Variants in ABCC12 observed in about 807,000 individuals in gnomAD.
ABCC12 encodes ATP binding cassette subfamily C member 12.
Under a neutral mutation model 151.1 loss-of-function variants are expected in ABCC12, and 142 were observed. That is an observed-to-expected ratio of 0.94 (90% CI 0.82 to 1.08). The LOEUF (loss-of-function observed/expected upper bound fraction) is 1.08. ABCC12 is among the 50% of genes least tolerant of loss of function. The pLI, the probability that ABCC12 is intolerant of heterozygous loss-of-function variation, is 0.00. For synonymous variants in ABCC12, 645 were observed against 646.4 expected, an observed-to-expected ratio of 1.00 and a Z score of 0.03; for missense variants, 1,638 against 1,691.1, an observed-to-expected ratio of 0.97 and a Z score of 0.55.
chr16:48,141,467 G>C, intron 4 of ABCC12, 114 bp from the exon 5 acceptor site: 1 of 1,393,858 alleles, frequency 7.2e-7, no homozygotes, highest in Non-Finnish European at 9.8e-7. Context: ...CTCCCTGGCA[G>C]TGGTGCCTTC....
chr16:48,133,528 A>G (rs987645672), intron 9 of ABCC12, among the ~76,000 whole-genome samples, 159 bp downstream of exon 9: 22 of 132,266 alleles, frequency 1.7e-4, no homozygotes, highest in Non-Finnish European at 3.4e-4. Flanking sequence ...CCTGTCTCAG[A>G]AAAAAAAAAA....
chr16:48,114,833 A>G (rs1431615388), intron 15 of ABCC12, among the ~76,000 whole-genome samples: 1 of 152,222 alleles, frequency 6.6e-6, no homozygotes, highest in Non-Finnish European at 1.5e-5. Flanking sequence ...ACTGAGGTCA[A>G]GCCCAGTCGC....
chr16:48,127,063 AT>A (rs1567453927), intron 11 of ABCC12, among the ~76,000 whole-genome samples: 1 of 152,088 alleles, frequency 6.6e-6, no homozygotes, highest in Non-Finnish European at 1.5e-5. Context: ...TCTGAGCTCA[AT>A]TGCACTCAGC....
At chr16:48,127,143 C>G (rs114697050) in intron 11 of ABCC12, among the ~76,000 whole-genome samples, 1,760 of 152,260 alleles carry the variant, frequency 0.012, 35 homozygotes, top group African/African-American at 0.041. Context: ...ACCACTCTCA[C>G]ACCAGCTATT....
chr16:48,124,222 G>C lies in ABCC12; in HGVS notation c.1578C>G (p.Leu526=). The C allele has an allele frequency of 6.2e-7, 1 of 1,614,094 alleles. No homozygotes were observed. Among genetic ancestry groups the C allele is most frequent in the Non-Finnish European group, 8.5e-7 (1 of 1,179,930 alleles). The change falls in exon 12 of 31, where the codon CTC becomes CTG. Residue 526 remains leucine, a synonymous_variant. Coordinates refer to ENST00000311303, the MANE Select transcript of ABCC12 (RefSeq NM_001393797.1). The part of the protein sequence containing the change: ...GSGKSSLLAA[L]LGQMQLQKGV... ...TCATCACACAGCTTACCTGTCCTAG[G>C]AGAGCTGCAAGGAGGGAGCTCTTTC...
chr16:48,119,265 T>C (rs1372616610), intron 13 of ABCC12, among the ~76,000 whole-genome samples: 3 of 152,262 alleles, frequency 2.0e-5, no homozygotes, highest in African/African-American at 4.8e-5. Context: ...CACGGTCTAC[T>C]GCCACCTGGC....
intron 25 of ABCC12, 77 bp downstream of exon 25, chr16:48,091,043 A>T: frequency 1.4e-6 from 2 of 1,401,276 alleles, no homozygotes; most frequent in Non-Finnish European, 2.0e-6. Context: ...CCCCTTTCGC[A>T]TCTAAAAAGA....
Position 48,115,522 on chromosome 16 carries a change from C to A in ABCC12, c.1882G>T (p.Asp628Tyr), listed in dbSNP as rs781700815. The change falls in exon 15 of 31, where the codon GAC (aspartate) becomes TAC (tyrosine). Residue 628 changes from aspartate to tyrosine, a missense_variant. Coordinates refer to ENST00000311303, the MANE Select transcript of ABCC12 (RefSeq NM_001393797.1). ...YSDRQLYLLD[D>Y]PLSAVDAHVG... Reference sequence around the variant, plus strand: ...TGGGCGTCCACGGCCGACAGGGGGTCGTCCAGCAGGTAGAGCTGACGGTCG... The same window carrying A: ...TGGGCGTCCACGGCCGACAGGGGGTAGTCCAGCAGGTAGAGCTGACGGTCG... 2.5e-6 allele frequency: 4 copies of A among 1,614,212 alleles called. No homozygotes were observed. The highest frequency in any genetic ancestry group is 4.5e-5 in the East Asian group (2 of 44,880).
rs764962473 is a variant in ABCC12, at chr16:48,087,932, G to A, written c.3629C>T (p.Thr1210Ile). Residue 1210 changes from threonine to isoleucine, a missense_variant, in exon 27 of 31, where the codon ACA (threonine) becomes ATA (isoleucine). By Grantham distance (89) the Thr-to-Ile change is moderately conservative (BLOSUM62 -1). Coordinates refer to ENST00000311303, the MANE Select transcript of ABCC12 (RefSeq NM_001393797.1). ...IPQDPVLFVG[T>I]VRYNLDPFES... ...AATGATTAAAAACAGCTACCTTACTGTACCTACAAACAGGACAGGATCCTG... is the reference window on the plus strand; with the variant it reads ...AATGATTAAAAACAGCTACCTTACTATACCTACAAACAGGACAGGATCCTG... 1 of 1,611,948 alleles carries A rather than the reference G, an allele frequency of 6.2e-7. No individual in the cohort carries two copies. Among genetic ancestry groups the A allele is most frequent in the Non-Finnish European group, 8.5e-7 (1 of 1,178,758 alleles).
chr16:48,151,437 A>G (rs979614945), intron 2 of ABCC12, among the ~76,000 whole-genome samples: 26 of 152,240 alleles, frequency 1.7e-4, no homozygotes, highest in Admixed American at 3.3e-4. Flanking sequence ...ATCTTGGATG[A>G]GATCCTGGAA....
intron 1 of ABCC12, among the ~76,000 whole-genome samples, chr16:48,154,355 A>T (rs187898044): frequency 6.6e-6 from 1 of 152,306 alleles, no homozygotes; most frequent in Non-Finnish European, 1.5e-5. Flanking sequence ...ACATTTAAAA[A>T]TGAGGAGATA....
intron 10 of ABCC12, among the ~76,000 whole-genome samples, chr16:48,130,433 C>T (rs927874799): frequency 6.6e-6 from 1 of 152,172 alleles, no homozygotes; most frequent in Admixed American, 6.5e-5. Context: ...TTCATCACTT[C>T]CATCACCATG....
chr16:48,122,387 C>A (rs1964101838), intron 12 of ABCC12, among the ~76,000 whole-genome samples: 1 of 152,184 alleles, frequency 6.6e-6, no homozygotes, highest in East Asian at 1.9e-4. Flanking sequence ...AGTCAAAGAT[C>A]CAGTTTTATA....
chr16:48,085,258 G>A (rs898805494), intron 29 of ABCC12, among the ~76,000 whole-genome samples: 3 of 152,058 alleles, frequency 2.0e-5, no homozygotes, highest in African/African-American at 7.2e-5. Context: ...AGCATCCTGG[G>A]GACAGTGTAT....
At chr16:48,136,255 C>T (rs1964605283) in intron 8 of ABCC12, among the ~76,000 whole-genome samples, 1 of 152,152 alleles carries the variant, frequency 6.6e-6, no homozygotes, top group African/African-American at 2.4e-5. Context: ...CTTATCTCCA[C>T]CTCCAGGCCT....
At chr16:48,102,297 G>C (rs1963334958) in intron 22 of ABCC12, among the ~76,000 whole-genome samples, 1 of 152,192 alleles carries the variant, frequency 6.6e-6, no homozygotes, top group Non-Finnish European at 1.5e-5. Context: ...CATTTGCATG[G>C]GGCGTACACC....
At chr16:48,122,592 G>A (rs1426424505) in intron 12 of ABCC12, among the ~76,000 whole-genome samples, 1 of 152,178 alleles carries the variant, frequency 6.6e-6, no homozygotes, top group Non-Finnish European at 1.5e-5. Flanking sequence ...ACAGTGCTCA[G>A]GGCTGATGCT....
chr16:48,114,893 A>C (rs1225803078), intron 15 of ABCC12, among the ~76,000 whole-genome samples: 1 of 152,194 alleles, frequency 6.6e-6, no homozygotes, highest in African/African-American at 2.4e-5. Flanking sequence ...GGCCCTGAGC[A>C]GAGAGAGCTT....
At chr16:48,140,646 G>A (rs1293813783) in intron 6 of ABCC12, 41 bp downstream of exon 6, 8 of 1,585,600 alleles carry the variant, frequency 5.0e-6, no homozygotes, top group South Asian at 1.1e-5. Context: ...AAACCACTCA[G>A]GGCCCATTTT....
Sources: gnomAD v4.1 joint callset for allele counts (sites outside exome capture counted in the v4.1 genomes callset) on GRCh38, gnomAD v4.1.1 for gene constraint, MANE v1.5 for transcripts, NCBI Gene and HGNC (gene_info 2026-07-23, HGNC 2026-07-21) for gene names.